The following KIAA1217 variants were observed in gnomAD, a reference collection of about 807,000 sequenced individuals.
KIAA1217 encodes the protein sickle tail protein homolog.
A neutral mutation model predicts 163.9 loss-of-function variants in KIAA1217; 88 were observed. The ratio of observed to expected loss-of-function variants is 0.54; its 90% CI spans 0.45 to 0.64. The LOEUF (loss-of-function observed/expected upper bound fraction) is 0.64, where lower values mean the gene tolerates loss of function less well. Ranked by LOEUF, KIAA1217 falls within the 30% of genes least tolerant of loss-of-function variation. The probability of loss-of-function intolerance (pLI) is 0.00; values close to 1 mark genes in which losing one functional copy is unlikely to be tolerated. For synonymous variants in KIAA1217, 903 were observed against 923.1 expected (o/e 0.98, Z 0.39); for missense variants, 2,372 against 2,475.0 (o/e 0.96, Z 0.88).
At chr10:23,732,828 GT>G (rs1838551996) in intron 1 of KIAA1217, among the ~76,000 whole-genome samples, 1 of 152,184 alleles carries the variant, frequency 6.6e-6, no homozygotes, top group East Asian at 1.9e-4. Context: ...TGAGATGCAA[GT>G]TTTTTACATG....
chr10:24,261,662 A>G (rs1407916470), intron 2 of KIAA1217, among the ~76,000 whole-genome samples: 2 of 152,084 alleles, frequency 1.3e-5, no homozygotes, highest in East Asian at 1.9e-4. Context: ...GGAACCCTCC[A>G]TGGGGGCATG....
At chr10:24,118,861 T>G (rs1475982396) in intron 2 of KIAA1217, among the ~76,000 whole-genome samples, 1 of 152,160 alleles carries the variant, frequency 6.6e-6, no homozygotes, top group East Asian at 1.9e-4. Flanking sequence ...AGATCAGTCT[T>G]TCTTTTTGAG....
chr10:23,706,227 T>C (rs2130721146), intron 1 of KIAA1217, among the ~76,000 whole-genome samples: 1 of 152,324 alleles, frequency 6.6e-6, no homozygotes, highest in East Asian at 1.9e-4. Context: ...TATTTCTTTC[T>C]AATCTAGATG....
intron 1 of KIAA1217, among the ~76,000 whole-genome samples, chr10:23,843,813 A>G (rs1813087308): frequency 1.3e-5 from 2 of 152,162 alleles, no homozygotes. Context: ...AGAAAATTCA[A>G]CCGATCTCTT....
intron 1 of KIAA1217, among the ~76,000 whole-genome samples, chr10:23,950,593 A>G (rs924111672): frequency 1.3e-5 from 2 of 152,124 alleles, no homozygotes; most frequent in South Asian, 2.1e-4. Context: ...TATATTGTTC[A>G]TGCATGCATG....
intron 1 of KIAA1217, among the ~76,000 whole-genome samples, chr10:23,767,584 A>G (rs2130872252): frequency 6.6e-6 from 1 of 152,118 alleles, no homozygotes; most frequent in Admixed American, 6.5e-5. Flanking sequence ...TTTTTAAAAG[A>G]AAAAGTAAAA....
intron 1 of KIAA1217, among the ~76,000 whole-genome samples, chr10:24,004,595 A>G (rs1318646727): frequency 6.6e-6 from 1 of 152,242 alleles, no homozygotes; most frequent in African/African-American, 2.4e-5. Context: ...GCAATGGATT[A>G]TTATTGCTAA....
intron 1 of KIAA1217, among the ~76,000 whole-genome samples, chr10:23,853,835 G>A (rs1283840676): frequency 6.6e-6 from 1 of 152,116 alleles, no homozygotes; most frequent in Non-Finnish European, 1.5e-5. Flanking sequence ...ATGGTAGTTT[G>A]TATTTCTGTG....
At chr10:23,790,150 C>CACAT (rs1835704095) in intron 1 of KIAA1217, among the ~76,000 whole-genome samples, 2 of 76,498 alleles carry the variant, frequency 2.6e-5, no homozygotes, top group Admixed American at 2.9e-4. Flanking sequence ...CACATATACA[C>CACAT]ATATGCATAT....
At chr10:24,429,633 C>T (rs2059433567) in intron 3 of KIAA1217, among the ~76,000 whole-genome samples, 1 of 152,178 alleles carries the variant, frequency 6.6e-6, no homozygotes, top group African/African-American at 2.4e-5. Flanking sequence ...AAATGCTCCC[C>T]CTTTTTCTGG....
At position 24,357,371 on chromosome 10, in the gene KIAA1217, TTA is replaced by T. The variant is rs892744091; in HGVS notation, c.355-23496_355-23495del. 1.5e-4 allele frequency among the ~76,000 whole-genome samples: 23 copies of T among 152,314 alleles called. 1 individual carries two copies. The highest frequency in any genetic ancestry group is 9.1e-4 in the Admixed American group (14 of 15,302). On this transcript the variant is annotated intron_variant, in intron 2 of 20. Coordinates refer to ENST00000376454, the MANE Select transcript of KIAA1217 (RefSeq NM_019590.5). Reference sequence around the variant, plus strand: ...TCTGGACTAGCTTCAATAAATCATCTTATGTCTTATCCCACCTCTTTTCCCTA... The same window carrying T: ...TCTGGACTAGCTTCAATAAATCATCTTGTCTTATCCCACCTCTTTTCCCTA...
intron 3 of KIAA1217, among the ~76,000 whole-genome samples, chr10:24,407,257 CGTGTGT>C (rs10545826): frequency 0.11 from 15,798 of 147,718 alleles, 1,890 homozygotes; most frequent in African/African-American, 0.3. Context: ...GATGAAGATA[CGTGTGT>C]GTGTGTGTGT....
At chr10:23,980,658 C>T (rs756275976) in intron 1 of KIAA1217, among the ~76,000 whole-genome samples, 2 of 152,172 alleles carry the variant, frequency 1.3e-5, no homozygotes, top group African/African-American at 2.4e-5. Flanking sequence ...ACTTTGGCCT[C>T]ATTTGCCTTC....
intron 2 of KIAA1217, among the ~76,000 whole-genome samples, chr10:24,118,929 C>T (rs146357167): frequency 6.3e-4 from 96 of 152,094 alleles, no homozygotes; most frequent in Admixed American, 1.5e-3. Flanking sequence ...AAAGTAAGTA[C>T]TTTGTCTTTG....
intron 2 of KIAA1217, among the ~76,000 whole-genome samples, chr10:24,314,822 T>A (rs1007222492): frequency 1.3e-5 from 2 of 152,016 alleles, no homozygotes; most frequent in African/African-American, 4.8e-5. Flanking sequence ...CAGGCCCCTG[T>A]AGTCCCAGCT....
At chr10:24,394,173 C>T (rs10828649) in intron 3 of KIAA1217, among the ~76,000 whole-genome samples, 2,236 of 152,270 alleles carry the variant, frequency 0.015, 57 homozygotes, top group African/African-American at 0.051. Flanking sequence ...AAATTCAGCC[C>T]GTGGAAGTTG....
At chr10:24,402,519 AAAAC>A (rs796732764) in intron 3 of KIAA1217, among the ~76,000 whole-genome samples, 33,042 of 141,910 alleles carry the variant, frequency 0.23, 4,549 homozygotes, top group East Asian at 0.32. Flanking sequence ...AAAAAAACAA[AAAAC>A]AAAACAAAAA....
intron 2 of KIAA1217, among the ~76,000 whole-genome samples, chr10:24,035,333 T>C (rs1322926247): frequency 6.6e-6 from 1 of 152,204 alleles, no homozygotes; most frequent in Non-Finnish European, 1.5e-5. Flanking sequence ...CAAGGAGAGC[T>C]AGGGCCCTGC....
intron 1 of KIAA1217, among the ~76,000 whole-genome samples, chr10:23,829,742 A>G (rs868177162): frequency 6.6e-6 from 1 of 152,206 alleles, no homozygotes; most frequent in South Asian, 2.1e-4. Flanking sequence ...TCAGTATTAC[A>G]TACGTAATCT....
Sources: allele counts gnomAD v4.1 joint callset (sites outside exome capture counted in the v4.1 genomes callset), GRCh38; gene constraint gnomAD v4.1.1; transcripts MANE v1.5; gene names NCBI Gene and HGNC (gene_info 2026-07-23, HGNC 2026-07-21).